Variants in LAMA2 observed in about 807,000 individuals in gnomAD.
The protein encoded by LAMA2 is laminin subunit alpha 2, also known as laminin subunit alpha-2.
In LAMA2, 269 loss-of-function variants were observed where a neutral mutation model predicts 364.8. The ratio of observed to expected loss-of-function variants is 0.74; its 90% CI spans 0.67 to 0.82. LAMA2 has a LOEUF of 0.82. Ranked by LOEUF, LAMA2 falls within the 40% of genes least tolerant of loss-of-function variation. The probability of loss-of-function intolerance (pLI) is 0.00; values close to 1 mark genes in which losing one functional copy is unlikely to be tolerated. For synonymous variants in LAMA2, 1,379 were observed against 1,370.6 expected, an observed-to-expected ratio of 1.01 and a Z score of -0.14; for missense variants, 3,807 against 3,873.2, an observed-to-expected ratio of 0.98 and a Z score of 0.45.
chr6:129,230,991 T>C (rs990278046), intron 12 of LAMA2, among the ~76,000 whole-genome samples: 3 of 152,052 alleles, frequency 2.0e-5, no homozygotes, highest in African/African-American at 7.2e-5. Context: ...AGGATAAAGG[T>C]AAAGTGGTAC....
intron 1 of LAMA2, among the ~76,000 whole-genome samples, chr6:129,030,807 A>G (rs1786167803): frequency 1.3e-5 from 2 of 152,260 alleles, no homozygotes; most frequent in Non-Finnish European, 2.9e-5. Flanking sequence ...GTCATTTATT[A>G]ATTTTATGAA....
intron 4 of LAMA2, among the ~76,000 whole-genome samples, chr6:129,143,501 T>C (rs1253443747): frequency 6.6e-6 from 1 of 152,044 alleles, no homozygotes; most frequent in Non-Finnish European, 1.5e-5. Context: ...TTTAATCTGA[T>C]ATTTTATAAC....
chr6:129,367,335 A>C (rs1777831819), intron 33 of LAMA2, among the ~76,000 whole-genome samples: 2 of 152,230 alleles, frequency 1.3e-5, no homozygotes, highest in African/African-American at 4.8e-5. Flanking sequence ...TGACTCTTTT[A>C]ATATCTTCAC....
intron 37 of LAMA2, among the ~76,000 whole-genome samples, chr6:129,398,472 C>CTTTTTTTT (rs71028159): frequency 1.5e-4 from 17 of 110,552 alleles, no homozygotes; most frequent in African/African-American, 4.0e-4. Flanking sequence ...CTTTTCTTTT[C>CTTTTTTTT]TTTTTTTTTT....
At chr6:128,962,185 T>TATATATATATATATACACACACAC (rs1214826895) in intron 1 of LAMA2, among the ~76,000 whole-genome samples, 2 of 103,918 alleles carry the variant, frequency 1.9e-5, no homozygotes, top group African/African-American at 7.4e-5. Flanking sequence ...TATATATATA[T>TATATATATATATATACACACACAC]ACACACATAC....
chr6:129,015,156 G>A (rs1047313016), intron 1 of LAMA2, among the ~76,000 whole-genome samples: 1 of 152,094 alleles, frequency 6.6e-6, no homozygotes, highest in African/African-American at 2.4e-5. Flanking sequence ...ACCGTGAATA[G>A]AGACATTAAG....
intron 1 of LAMA2, among the ~76,000 whole-genome samples, chr6:129,015,515 A>G (rs1785015938): frequency 1.3e-5 from 2 of 152,100 alleles, no homozygotes; most frequent in African/African-American, 4.8e-5. Flanking sequence ...TAAGTATATA[A>G]TATGAAATAT....
chr6:129,116,785 G>GT (rs1776509087), intron 4 of LAMA2, among the ~76,000 whole-genome samples: 1 of 151,942 alleles, frequency 6.6e-6, no homozygotes, highest in South Asian at 2.1e-4. Flanking sequence ...AGGTTGTCTG[G>GT]TTTTTTACTA....
intron 14 of LAMA2, among the ~76,000 whole-genome samples, chr6:129,253,876 C>T (rs1167778350): frequency 6.6e-6 from 1 of 152,170 alleles, no homozygotes; most frequent in Admixed American, 6.5e-5. Context: ...TGTGAAATGA[C>T]ACAAGAGCTA....
intron 1 of LAMA2, among the ~76,000 whole-genome samples, chr6:128,910,616 T>C (rs535070474): frequency 3.9e-5 from 6 of 152,356 alleles, no homozygotes; most frequent in Admixed American, 3.9e-4. Flanking sequence ...TTTGATCATC[T>C]GAAGCCTTCT....
intron 6 of LAMA2, among the ~76,000 whole-genome samples, chr6:129,148,549 A>C (rs968349791): frequency 6.6e-6 from 1 of 152,104 alleles, no homozygotes; most frequent in Non-Finnish European, 1.5e-5. Flanking sequence ...TCCTAGAGAC[A>C]TTAGATTTCT....
In LAMA2 at chr6:129,369,938, C is replaced by T; in HGVS notation, c.4907C>T (p.Ala1636Val). 3 of 1,614,066 alleles carry T rather than the reference C, an allele frequency of 1.9e-6. No individual in the cohort carries two copies. The highest frequency in any genetic ancestry group is 2.2e-5 in the East Asian group (1 of 44,876). The change falls in exon 34 of 65, where the codon GCA becomes GTA. Residue 1636 changes from alanine to valine, a missense_variant. Ala to Val is a moderately conservative substitution (Grantham distance 64, BLOSUM62 0). Coordinates refer to ENST00000421865, the MANE Select transcript of LAMA2 (RefSeq NM_000426.4). Reference sequence around the variant, plus strand: ...GCCCCAGAGAGGCTTATTCAGCTGGCAGAGGGCAATCTGAATACACTCGTG... The same window carrying T: ...GCCCCAGAGAGGCTTATTCAGCTGGTAGAGGGCAATCTGAATACACTCGTG... ...QRAPERLIQL[A>V]EGNLNTLVTE...
intron 35 of LAMA2, among the ~76,000 whole-genome samples, chr6:129,384,185 C>T (rs1309792123): frequency 6.6e-6 from 1 of 152,186 alleles, no homozygotes; most frequent in Non-Finnish European, 1.5e-5. Context: ...GAAATTATTT[C>T]TGCCAGAAAA....
chr6:129,034,120 C>A (rs1786435767), intron 1 of LAMA2, among the ~76,000 whole-genome samples: 1 of 152,094 alleles, frequency 6.6e-6, no homozygotes. Flanking sequence ...TAGTATGAAC[C>A]TGTTTCTTGG....
At chr6:129,502,806 A>G (rs778981793) in intron 59 of LAMA2, 35 bp downstream of exon 59, 11 of 1,309,280 alleles carry the variant, frequency 8.4e-6, no homozygotes, top group South Asian at 2.4e-5. Context: ...GAAAGAACCG[A>G]TAAATGAAGA....
Position 129,465,128 on chromosome 6 carries a change from G to A in LAMA2, c.7156-17G>A, listed in dbSNP as rs1293037156. 1 of 1,599,602 alleles carries A rather than the reference G, an allele frequency of 6.3e-7. No homozygotes were observed. Among genetic ancestry groups the A allele is most frequent in the East Asian group, 2.2e-5 (1 of 44,676 alleles). ...TCTGTGTATCTAACCACTGGGGTAT[G>A]TTTACTCTATTAATAGAGAGATTTC... On this transcript the variant is annotated splice_polypyrimidine_tract_variant and intron_variant, in intron 50 of 64. Coordinates refer to ENST00000421865, the MANE Select transcript of LAMA2 (RefSeq NM_000426.4).
intron 12 of LAMA2, among the ~76,000 whole-genome samples, chr6:129,193,980 A>G (rs1781689752): frequency 6.6e-6 from 1 of 152,180 alleles, no homozygotes; most frequent in Non-Finnish European, 1.5e-5. Context: ...TCTAAAAGAC[A>G]TTTTCAATGA....
At chr6:129,491,822 G>A in intron 56 of LAMA2, 79 bp from the exon 57 acceptor site, 1 of 1,169,030 alleles carries the variant, frequency 8.6e-7, no homozygotes. Flanking sequence ...AGGGGTGAAG[G>A]GTGGCAGGAA....
At position 129,228,997 on chromosome 6, in the gene LAMA2, A is replaced by G. The variant is rs574993705; in HGVS notation, c.1783-21115A>G. ...TTTGTGTATTCATTGTATGTATTCA[A>G]TATTCAATGTATGTATTCATTGATC... On this transcript the variant is annotated intron_variant, in intron 12 of 64. Coordinates refer to ENST00000421865, the MANE Select transcript of LAMA2 (RefSeq NM_000426.4). Among the ~76,000 whole-genome samples, 42 of 152,350 alleles carry G rather than the reference A, an allele frequency of 2.8e-4. 1 individual carries two copies. The South Asian group carries it at 5.8e-3, about 21-fold the overall frequency.
Sources: allele counts gnomAD v4.1 joint callset (sites outside exome capture counted in the v4.1 genomes callset), GRCh38; gene constraint gnomAD v4.1.1; transcripts MANE v1.5; gene names NCBI Gene and HGNC (gene_info 2026-07-23, HGNC 2026-07-21).